TRMT11: variants seen among roughly 807,000 people sequenced by gnomAD.
TRMT11 encodes tRNA (guanine(10)-N(2))-methyltransferase TRMT11.
A neutral mutation model predicts 62.8 loss-of-function variants in TRMT11; 53 were observed. That is an observed-to-expected ratio of 0.84 (90% CI 0.68 to 1.06). The LOEUF is 1.06. TRMT11 is among the 50% of genes least tolerant of loss of function. The pLI, the probability that TRMT11 is intolerant of heterozygous loss-of-function variation, is 0.00. For missense variants in TRMT11, 556 were observed against 553.4 expected (o/e 1.00, Z -0.05); for synonymous variants, 188 against 190.3 (o/e 0.99, Z 0.10).
chr6:126,080,543 A>G (rs980981147), intron 17 of TRMT11, among the ~76,000 whole-genome samples: 1 of 152,172 alleles, frequency 6.6e-6, no homozygotes, highest in Non-Finnish European at 1.5e-5. Context: ...AGGATTCTGC[A>G]TCATTGCTGC....
chr6:126,020,093 G>A (rs765212034), intron 11 of TRMT11, among the ~76,000 whole-genome samples: 8 of 152,224 alleles, frequency 5.3e-5, no homozygotes, highest in Non-Finnish European at 1.2e-4. Context: ...GTGGGACCTA[G>A]AAAAGTTCAT....
At chr6:126,193,779 C>T (rs902695400) in intron 1 of TRMT11, among the ~76,000 whole-genome samples, 2 of 151,962 alleles carry the variant, frequency 1.3e-5, no homozygotes, top group African/African-American at 4.8e-5. Context: ...TCACCATGCC[C>T]GGCCGCGTTT....
intron 21 of TRMT11, among the ~76,000 whole-genome samples, chr6:126,151,968 T>TCTTTTCTTTCTTC (rs1778062877): frequency 8.3e-6 from 1 of 120,572 alleles, no homozygotes; most frequent in Non-Finnish European, 1.8e-5. Flanking sequence ...TTTCTTTCTT[T>TCTTTTCTTTCTTC]CCTCTCTCTC....
chr6:126,119,316 C>T lies in TRMT11; in HGVS notation c.*1823+3461C>T, dbSNP rs115249191. On this transcript the variant is annotated intron_variant and NMD_transcript_variant, in intron 21 of 22. Coordinates refer to the TRMT11 transcript ENST00000648977. ...TGAGAAATCCTGAACCTTCTGTTCC[C>T]ATTACTTTCCCTGTTGAGCTCTACA... Among the ~76,000 whole-genome samples the T allele has an allele frequency of 8.4e-3, 1,275 of 152,090 alleles. 16 individuals carry two copies. The highest frequency in any genetic ancestry group is 0.027 in the African/African-American group (1,114 of 41,508).
chr6:126,192,494 G>A (rs9491580), intron 1 of TRMT11, among the ~76,000 whole-genome samples: 14,173 of 152,058 alleles, frequency 0.093, 2,209 homozygotes, highest in African/African-American at 0.32. Flanking sequence ...TAAAAGTGTT[G>A]AAAGTGGGCA....
At chr6:126,021,731 TGTCTCTCTCTTA>T (rs1795838060) in intron 12 of TRMT11, among the ~76,000 whole-genome samples, 1 of 152,250 alleles carries the variant, frequency 6.6e-6, no homozygotes, top group Admixed American at 6.5e-5. Flanking sequence ...ATTCTCTCTT[TGTCTCTCTCTTA>T]CATACAAAAT....
intron 1 of TRMT11, among the ~76,000 whole-genome samples, chr6:126,179,242 T>A (rs1177925868): frequency 6.6e-6 from 1 of 152,196 alleles, no homozygotes; most frequent in Non-Finnish European, 1.5e-5. Flanking sequence ...AATTACTGCT[T>A]ATCTATTCAC....
chr6:126,107,414 A>G (rs188473228), intron 17 of TRMT11, among the ~76,000 whole-genome samples: 1 of 152,082 alleles, frequency 6.6e-6, no homozygotes, highest in South Asian at 2.1e-4. Context: ...CTGACAAGGT[A>G]TGAACTGGAG....
chr6:126,074,279 T>C (rs1219785082), intron 17 of TRMT11, among the ~76,000 whole-genome samples: 4 of 152,256 alleles, frequency 2.6e-5, no homozygotes, highest in Non-Finnish European at 5.9e-5. Flanking sequence ...TGTCTCTGTG[T>C]TTAATGCTCT....
Position 126,021,257 on chromosome 6 carries a change from A to G in TRMT11, c.1237A>G (p.Met413Val), listed in dbSNP as rs1171530815. Residue 413 changes from methionine to valine, a missense_variant, in exon 12 of 13, where the codon ATG (methionine) becomes GTG (valine). Transcript: ENST00000334379. ...SSHTSRRLIT[M>V]EKVKKFENRD... ...TCACACATCAAGGCGCTTGATCACA[A>G]TGGAAAAGGTGAAGAAATTTGAGGT... The G allele has an allele frequency of 1.2e-6, 2 of 1,614,038 alleles. No homozygotes were observed. The highest frequency in any genetic ancestry group is 8.5e-7 in the Non-Finnish European group (1 of 1,179,890).
At chr6:126,065,696 A>G (rs1307114097) in intron 17 of TRMT11, among the ~76,000 whole-genome samples, 1 of 152,208 alleles carries the variant, frequency 6.6e-6, no homozygotes, top group Non-Finnish European at 1.5e-5. Context: ...TATTTAAAAC[A>G]GTGCCTGATA....
upstream of TRMT11, among the ~76,000 whole-genome samples, chr6:126,174,978 T>C (rs1451110661): frequency 1.3e-5 from 2 of 152,220 alleles, no homozygotes; most frequent in Non-Finnish European, 2.9e-5. Context: ...TCTTACAGAA[T>C]GTTGTATCAA....
At chr6:126,258,630 T>C in the TRMT11 span, among the ~76,000 whole-genome samples, 2 of 152,250 alleles carry the variant, frequency 1.3e-5, no homozygotes, top group African/African-American at 2.4e-5. Context: ...CAGGAACTTA[T>C]CCATTTCTTC....
chr6:126,170,693 A>G (rs967068831), intron 21 of TRMT11, among the ~76,000 whole-genome samples: 1 of 151,880 alleles, frequency 6.6e-6, no homozygotes, highest in African/African-American at 2.4e-5. Context: ...TTTTTACAAG[A>G]TCTCCCGCTG....
chr6:126,110,527 T>C (rs1043827709), intron 17 of TRMT11, among the ~76,000 whole-genome samples: 5 of 152,188 alleles, frequency 3.3e-5, no homozygotes, highest in Non-Finnish European at 7.3e-5. Context: ...TGTATTTTAA[T>C]CCCTTTCTTC....
At chr6:126,164,347 T>C (rs952638763) in intron 21 of TRMT11, among the ~76,000 whole-genome samples, 7 of 152,216 alleles carry the variant, frequency 4.6e-5, no homozygotes, top group African/African-American at 1.7e-4. Context: ...TAACTGTTTG[T>C]TATGATTTCT....
At chr6:126,266,012 T>C in the TRMT11 span, among the ~76,000 whole-genome samples, 74 of 152,292 alleles carry the variant, frequency 4.9e-4, no homozygotes, top group African/African-American at 1.7e-3. Flanking sequence ...TTATGAGCCA[T>C]CTTTTTTAAA....
At chr6:126,097,251 A>G (rs1054839672) in intron 17 of TRMT11, among the ~76,000 whole-genome samples, 3 of 152,200 alleles carry the variant, frequency 2.0e-5, no homozygotes, top group African/African-American at 7.2e-5. Flanking sequence ...CTGGGAAGGT[A>G]ATCTTTCTGC....
intron 1 of TRMT11, among the ~76,000 whole-genome samples, chr6:126,182,143 A>G (rs916989181): frequency 6.6e-6 from 1 of 152,200 alleles, no homozygotes; most frequent in Non-Finnish European, 1.5e-5. Context: ...CATAAACTCT[A>G]GAGTGCACAG....
Sources: gnomAD v4.1 joint callset for allele counts (sites outside exome capture counted in the v4.1 genomes callset) on GRCh38, gnomAD v4.1.1 for gene constraint, MANE v1.5 for transcripts, NCBI Gene and HGNC (gene_info 2026-07-23, HGNC 2026-07-21) for gene names.